The following PHLPP1 variants were observed in gnomAD, a reference collection of about 807,000 sequenced individuals.
PHLPP1 encodes the protein PH domain and leucine rich repeat protein phosphatase 1.
PHLPP1 carries 42 observed loss-of-function variants against 117.2 expected under a neutral mutation model. That is an observed-to-expected ratio of 0.36 (90% CI 0.28 to 0.46). The LOEUF (loss-of-function observed/expected upper bound fraction) is 0.46, where lower values mean the gene tolerates loss of function less well. Among genes scored for constraint, PHLPP1 ranks in the 20% least tolerant of loss-of-function variants. The pLI is 1.00. For synonymous variants in PHLPP1, 1,042 were observed against 970.7 expected, an observed-to-expected ratio of 1.07 and a Z score of -1.37; for missense variants, 2,084 against 2,241.9, an observed-to-expected ratio of 0.93 and a Z score of 1.42.
At chr18:62,935,958 A>G (rs975900936) in intron 10 of PHLPP1, among the ~76,000 whole-genome samples, 1 of 152,168 alleles carries the variant, frequency 6.6e-6, no homozygotes, top group Non-Finnish European at 1.5e-5. Context: ...AGCCGAGATC[A>G]AGCCATTGCA....
chr18:62,716,080 G>A lies in PHLPP1; in HGVS notation c.397G>A (p.Ala133Thr). 6.7e-7 allele frequency: 1 copy of A among 1,488,680 alleles called. No homozygotes were observed. The highest frequency in any genetic ancestry group is 2.7e-5 in the East Asian group (1 of 37,334). 92.2% of individuals were successfully genotyped at this position (1,488,680 alleles called of 1,614,324 possible). ...GCGGCTGAAGAGGAATCTGTCCGCGGCCGCCGCGGCCGCCTCCTCGTCGTC... is the reference window on the plus strand; with the variant it reads ...GCGGCTGAAGAGGAATCTGTCCGCGACCGCCGCGGCCGCCTCCTCGTCGTC... Reference protein sequence around the residue: ...RGRLKRNLSAAAAAASSSSSS... With the variant: ...RGRLKRNLSATAAAASSSSSS... Residue 133 changes from alanine (A) to threonine (T), a missense_variant, in exon 1 of 17, where the codon GCC becomes ACC. By Grantham distance (58) the Ala-to-Thr change is moderately conservative. Coordinates refer to ENST00000262719, the MANE Select transcript of PHLPP1 (RefSeq NM_194449.4). This position sits in a 1 kb window ranked among gnomAD's most constrained non-coding sequence, Gnocchi z 5.7.
chr18:62,952,161 C>T (rs1346216820), intron 12 of PHLPP1, among the ~76,000 whole-genome samples: 3 of 152,172 alleles, frequency 2.0e-5, no homozygotes, highest in Admixed American at 6.5e-5. Flanking sequence ...CACGGTGGCT[C>T]ATGCCTGTAA....
Position 62,975,507 on chromosome 18 carries a change from G to A in PHLPP1, c.3866G>A (p.Gly1289Asp). Residue 1289 changes from glycine (G) to aspartate (D), a missense_variant, in exon 16 of 17, where the codon GGC (glycine) becomes GAC (aspartate). Transcript: ENST00000262719. ...TTCACCTTGACCTCTGCTAATGTGG[G>A]CAAGTGCCAAACAGTTCTCTGTCGA... Reference protein sequence around the residue: ...GSFTLTSANVGKCQTVLCRNG... With the variant: ...GSFTLTSANVDKCQTVLCRNG... 6.2e-7 allele frequency: 1 copy of A among 1,613,254 alleles called. No homozygotes were observed. The highest frequency in any genetic ancestry group is 8.5e-7 in the Non-Finnish European group (1 of 1,179,228).
intron 1 of PHLPP1, among the ~76,000 whole-genome samples, chr18:62,807,819 C>A (rs954365513): frequency 1.2e-4 from 18 of 152,084 alleles, no homozygotes; most frequent in Middle Eastern, 3.2e-3. Context: ...AGGGTACTTA[C>A]TGTGAGTGGA....
intron 3 of PHLPP1, among the ~76,000 whole-genome samples, chr18:62,842,453 T>A (rs1390471810): frequency 1.3e-5 from 2 of 151,992 alleles, no homozygotes; most frequent in African/African-American, 4.8e-5. Flanking sequence ...AACCTCCATC[T>A]CCCGGGTTCA....
chr18:62,929,981 A>G (rs1162659733), intron 10 of PHLPP1, among the ~76,000 whole-genome samples: 3 of 152,128 alleles, frequency 2.0e-5, no homozygotes, highest in East Asian at 3.9e-4. Flanking sequence ...GCGCTTAGAA[A>G]TGGGAAGAGA....
chr18:62,802,557 A>G (rs573166396), intron 1 of PHLPP1, among the ~76,000 whole-genome samples: 273 of 152,372 alleles, frequency 1.8e-3, no homozygotes, highest in African/African-American at 6.4e-3. Context: ...CAGCTGGATC[A>G]AAGTAACTTT....
intron 4 of PHLPP1, among the ~76,000 whole-genome samples, chr18:62,874,987 C>G (rs1310884036): frequency 6.6e-6 from 1 of 152,210 alleles, no homozygotes; most frequent in Non-Finnish European, 1.5e-5. Context: ...CGGAGTCTCG[C>G]TCTGCCACTC....
At chr18:62,825,319 T>C (rs1914580776) in intron 1 of PHLPP1, 2 of 150,914 alleles carry the variant, frequency 1.3e-5, no homozygotes, top group Non-Finnish European at 2.9e-5. Flanking sequence ...TTTGGCTTTC[T>C]GATGTAAAAT....
intron 1 of PHLPP1, among the ~76,000 whole-genome samples, chr18:62,773,218 A>AT (rs1383457654): frequency 1.3e-5 from 2 of 151,982 alleles, no homozygotes; most frequent in Non-Finnish European, 2.9e-5. Context: ...ACCCCACTTA[A>AT]TTTTTTTCTT....
chr18:62,949,969 A>G (rs917766042), intron 12 of PHLPP1, among the ~76,000 whole-genome samples: 2 of 152,100 alleles, frequency 1.3e-5, no homozygotes, highest in Admixed American at 6.5e-5. Context: ...CCTATTCTAA[A>G]CCCTTCCCCC....
At chr18:62,912,464 C>T (rs1162680703) in intron 8 of PHLPP1, among the ~76,000 whole-genome samples, 1 of 151,664 alleles carries the variant, frequency 6.6e-6, no homozygotes. Flanking sequence ...TAACTTAAAT[C>T]AGACATTACC....
chr18:62,740,924 A>T (rs1044062122), intron 1 of PHLPP1, among the ~76,000 whole-genome samples: 6 of 152,150 alleles, frequency 3.9e-5, no homozygotes, highest in African/African-American at 7.2e-5. Context: ...CAGTGAGCCG[A>T]GATCATGCCA....
At chr18:62,870,666 T>G (rs1442043326) in intron 4 of PHLPP1, among the ~76,000 whole-genome samples, 1 of 152,000 alleles carries the variant, frequency 6.6e-6, no homozygotes, top group Admixed American at 6.6e-5. Context: ...CAGGTAGGAG[T>G]TCAGAGACAT....
At chr18:62,766,164 A>T (rs373381639) in intron 1 of PHLPP1, among the ~76,000 whole-genome samples, 1 of 138,882 alleles carries the variant, frequency 7.2e-6, no homozygotes, top group Non-Finnish European at 1.5e-5. Context: ...GATGAATAGG[A>T]TTTAGATAGG....
chr18:62,817,941 G>A (rs1306044983), intron 1 of PHLPP1, among the ~76,000 whole-genome samples: 3 of 138,736 alleles, frequency 2.2e-5, no homozygotes, highest in African/African-American at 5.4e-5. Flanking sequence ...TGCAACCTCC[G>A]CCTCCCAGGT....
intron 3 of PHLPP1, among the ~76,000 whole-genome samples, chr18:62,851,061 A>G (rs570791797): frequency 6.6e-6 from 1 of 152,322 alleles, no homozygotes; most frequent in South Asian, 2.1e-4. Context: ...CAAAGACTGC[A>G]TCTCTCCAGT....
At chr18:62,823,502 CTG>C (rs1341275133) in intron 1 of PHLPP1, among the ~76,000 whole-genome samples, 1 of 151,738 alleles carries the variant, frequency 6.6e-6, no homozygotes, top group African/African-American at 2.4e-5. Flanking sequence ...AAGGTTGAGA[CTG>C]TAGCAAGCTG....
At position 62,958,838 on chromosome 18, in the gene PHLPP1, A is replaced by G. The variant is rs1910693062; in HGVS notation, c.3455+79A>G. ...TCATATCTTAGTGAAAATGGGAAAC[A>G]AAATATGAAGCATCATTGACTTGTT... On this transcript the variant is annotated intron_variant, in intron 13 of 16. Coordinates refer to ENST00000262719, the MANE Select transcript of PHLPP1 (RefSeq NM_194449.4). The G allele has an allele frequency of 2.3e-5, 34 of 1,503,282 alleles. No homozygotes were observed. The South Asian group carries it at 3.8e-4, about 17-fold the overall frequency. 93.1% of individuals were successfully genotyped at this position (1,503,282 alleles called of 1,614,324 possible). A position where few individuals can be genotyped will look rare whatever the true frequency, so the allele number is the denominator to read the frequency against.
Sources: allele counts gnomAD v4.1 joint callset (sites outside exome capture counted in the v4.1 genomes callset), GRCh38; gene constraint gnomAD v4.1.1; non-coding constraint Gnocchi (gnomAD v3.1); transcripts MANE v1.5; gene names NCBI Gene and HGNC (gene_info 2026-07-23, HGNC 2026-07-21).